The following CD8B2 variants were observed in gnomAD, a reference collection of about 807,000 sequenced individuals.
CD8B2 encodes the protein CD8B family member 2.
A neutral mutation model predicts 23.7 loss-of-function variants in CD8B2; 11 were observed. That is an observed-to-expected ratio of 0.46 (90% CI 0.29 to 0.77). The LOEUF (loss-of-function observed/expected upper bound fraction) is 0.77, where lower values mean the gene tolerates loss of function less well. Among genes scored for constraint, CD8B2 ranks in the 30% least tolerant of loss-of-function variants. The pLI is 0.09. For synonymous variants in CD8B2, 90 were observed against 109.3 expected (o/e 0.82, Z 1.10); for missense variants, 197 against 270.5 (o/e 0.73, Z 1.91).
chr2:106,503,829 T>G (rs981237763), intron 4 of CD8B2, among the ~76,000 whole-genome samples: 5 of 152,192 alleles, frequency 3.3e-5, no homozygotes, highest in African/African-American at 1.2e-4. Context: ...ATAGACATGC[T>G]TTTATTTTCT....
chr2:106,535,860 G>C (rs1266078218), intron 5 of CD8B2, among the ~76,000 whole-genome samples: 2 of 152,058 alleles, frequency 1.3e-5, no homozygotes, highest in Admixed American at 6.6e-5. Context: ...GAAAAAAGAG[G>C]GTTAATGGGC....
Position 106,510,832 on chromosome 2 carries a change from G to A in CD8B2, c.*3892G>A, listed in dbSNP as rs1473391582. ...TCGAGAATATAATACATAAAATAGA[G>A]AATATAGAAAATTAAATCTTCTAAT... is the stretch of plus-strand genomic sequence containing the variant. On this transcript the variant is annotated 3_prime_UTR_variant, in exon 6 of 6. Transcript: ENST00000643224. The A allele has an allele frequency of 1.3e-5, 2 of 151,778 alleles. No homozygotes were observed. The highest frequency in any genetic ancestry group is 2.4e-5 in the African/African-American group (1 of 41,268). The allele number at this position is 151,778 out of a possible 1,614,324, so 9.4% of individuals were successfully genotyped here.
intron 5 of CD8B2, among the ~76,000 whole-genome samples, chr2:106,539,560 G>A (rs1419809949): frequency 3.3e-5 from 5 of 152,196 alleles, no homozygotes; most frequent in Non-Finnish European, 7.3e-5. Flanking sequence ...ACACGGGGCT[G>A]CAGCTTCTGG....
chr2:106,497,900 T>C (rs1004217455), intron 3 of CD8B2, among the ~76,000 whole-genome samples: 1 of 152,138 alleles, frequency 6.6e-6, no homozygotes, highest in African/African-American at 2.4e-5. Context: ...GCTATGGCTG[T>C]GGAGAACCCA....
chr2:106,538,313 CTATGTAGGCTATGTA>C (rs1294169194), intron 5 of CD8B2, among the ~76,000 whole-genome samples: 1 of 152,122 alleles, frequency 6.6e-6, no homozygotes, highest in African/African-American at 2.4e-5. Flanking sequence ...AGCCTTCAGC[CTATGTAGGCTATGTA>C]TACATGAAGA....
At chr2:106,516,062 T>C (rs1379437720), downstream of CD8B2, among the ~76,000 whole-genome samples, 1 of 152,006 alleles carries the variant, frequency 6.6e-6, no homozygotes, top group Non-Finnish European at 1.5e-5. Flanking sequence ...ACTCCTGACC[T>C]CAGGTAATCC....
Position 106,487,612 on chromosome 2 carries a change from A to G in CD8B2, c.43+143A>G, listed in dbSNP as rs1573325054. 2.8e-5 allele frequency: 12 copies of G among 421,068 alleles called. No homozygotes were observed. The East Asian group carries it at 4.3e-4, about 15-fold the overall frequency. The allele number at this position is 421,068 out of a possible 1,614,324, so 26.1% of individuals were successfully genotyped here. A position where few individuals can be genotyped will look rare whatever the true frequency, so the allele number is the denominator to read the frequency against. ...CGGGGCGCCCGGGAGGCAGCTTGGCAGGCAGGGTCCCTAAGGGTGGAAATA... is the reference window on the plus strand; with the variant it reads ...CGGGGCGCCCGGGAGGCAGCTTGGCGGGCAGGGTCCCTAAGGGTGGAAATA... On this transcript the variant is annotated intron_variant, in intron 1 of 5. Transcript: ENST00000643224.
At chr2:106,524,038 A>G (rs1212996709) in intron 5 of CD8B2, among the ~76,000 whole-genome samples, 3 of 152,204 alleles carry the variant, frequency 2.0e-5, no homozygotes, top group South Asian at 2.1e-4. Flanking sequence ...GGCAGGTTTC[A>G]TAGGGACAAA....
intron 5 of CD8B2, among the ~76,000 whole-genome samples, chr2:106,542,661 T>C (rs1680193462): frequency 6.7e-6 from 1 of 148,290 alleles, no homozygotes; most frequent in Non-Finnish European, 1.5e-5. Context: ...TATAGGTATA[T>C]ATTATATATG....
rs971831346 is a variant in CD8B2, at chr2:106,510,204, C to G, written c.*3264C>G. ...AGTTAGGATACAGTTACCCTTGGTC[C>G]AGTGATGGTCATTAGGAGGGAGCAT... On this transcript the variant is annotated 3_prime_UTR_variant, in exon 6 of 6. Coordinates refer to ENST00000643224, the MANE Select transcript of CD8B2 (RefSeq NM_001349727.2). The G allele has an allele frequency of 1.3e-5, 2 of 152,140 alleles. No individual in the cohort carries two copies. The highest frequency in any genetic ancestry group is 4.8e-5 in the African/African-American group (2 of 41,418). 9.4% of individuals were successfully genotyped at this position (152,140 alleles called of 1,614,324 possible).
Position 106,491,104 on chromosome 2 carries a change from G to A in CD8B2, c.274G>A (p.Val92Met), listed in dbSNP as rs566357279. 18 of 1,613,944 alleles carry A rather than the reference G, an allele frequency of 1.1e-5. No individual in the cohort carries two copies. In the South Asian group the frequency reaches 1.8e-4, roughly 16 times the overall value. Residue 92 changes from valine to methionine, a missense_variant, in exon 2 of 6, where the codon GTG becomes ATG. Transcript: ENST00000643224. ...GEEVEQEKIA[V>M]FRDASRFILN... ...AGAGGTGGAACAGGAGAAGATAGCTGTGTTTCGGGATGCAAGCCGGTTCAT... is the reference window on the plus strand; with the variant it reads ...AGAGGTGGAACAGGAGAAGATAGCTATGTTTCGGGATGCAAGCCGGTTCAT...
downstream of CD8B2, among the ~76,000 whole-genome samples, chr2:106,511,396 T>G (rs565498759): frequency 2.6e-5 from 4 of 152,252 alleles, no homozygotes; most frequent in East Asian, 7.7e-4. Context: ...CTTTTCTGTG[T>G]TTTTCTGTGG....
intron 1 of CD8B2, among the ~76,000 whole-genome samples, chr2:106,488,950 C>G (rs978603457): frequency 1.3e-5 from 2 of 152,078 alleles, no homozygotes; most frequent in Non-Finnish European, 2.9e-5. Context: ...CCAGCAGCCA[C>G]TTGTGCCCCA....
chr2:106,505,102 G>A (rs1339366781), intron 5 of CD8B2, among the ~76,000 whole-genome samples: 2 of 152,170 alleles, frequency 1.3e-5, no homozygotes, highest in East Asian at 1.9e-4. Context: ...CCCTGGTAGG[G>A]CAGTGACATT....
chr2:106,490,459 C>T (rs1480383311), intron 1 of CD8B2, among the ~76,000 whole-genome samples: 1 of 152,122 alleles, frequency 6.6e-6, no homozygotes, highest in East Asian at 1.9e-4. Flanking sequence ...CCCAGGAGGT[C>T]AAGGCTGAAG....
In CD8B2 at chr2:106,507,411, G is replaced by T. The variant is rs564209129; in HGVS notation, c.*471G>T. On this transcript the variant is annotated 3_prime_UTR_variant, in exon 6 of 6. Transcript: ENST00000643224. Reference sequence around the variant, plus strand: ...TTCCTCGCAGAGAGGCCAGGTGCAGGTTGGGAATGAGGCTTGCTGAGAGGG... The same window carrying T: ...TTCCTCGCAGAGAGGCCAGGTGCAGTTTGGGAATGAGGCTTGCTGAGAGGG... 5.1e-6 allele frequency: 5 copies of T among 986,352 alleles called. No individual in the cohort carries two copies. Among genetic ancestry groups the T allele is most frequent in the African/African-American group, 3.5e-5 (2 of 57,414 alleles). The allele number at this position is 986,352 out of a possible 1,614,324, so 61.1% of individuals were successfully genotyped here.
intron 5 of CD8B2, among the ~76,000 whole-genome samples, chr2:106,525,334 C>G (rs572946506): frequency 9.8e-5 from 15 of 152,314 alleles, no homozygotes; most frequent in African/African-American, 3.1e-4. Context: ...CTCACCTTCC[C>G]TATGGGCCCA....
At chr2:106,499,650 C>T (rs1434096135) in intron 3 of CD8B2, among the ~76,000 whole-genome samples, 1 of 151,998 alleles carries the variant, frequency 6.6e-6, no homozygotes. Flanking sequence ...GCGACCGTTA[C>T]CGTAATCTAG....
rs1314182289 is a variant in CD8B2, at chr2:106,508,374, G to A, written c.*1434G>A. ...GGAAAGGAAAGACGACTCTGGGGAA[G>A]GGGCAGTGGGACCTTCTCCTGGCAT... On this transcript the variant is annotated 3_prime_UTR_variant, in exon 6 of 6. Coordinates refer to ENST00000643224, the MANE Select transcript of CD8B2 (RefSeq NM_001349727.2). 11 of 151,948 alleles carry A rather than the reference G, an allele frequency of 7.2e-5. No homozygotes were observed. The highest frequency in any genetic ancestry group is 1.3e-4 in the Admixed American group (2 of 15,264). The allele number at this position is 151,948 out of a possible 1,614,324, so 9.4% of individuals were successfully genotyped here. A position where few individuals can be genotyped will look rare whatever the true frequency, so the allele number is the denominator to read the frequency against.
Sources: allele counts gnomAD v4.1 joint callset (sites outside exome capture counted in the v4.1 genomes callset), GRCh38; gene constraint gnomAD v4.1.1; transcripts MANE v1.5; gene names NCBI Gene and HGNC (gene_info 2026-07-23, HGNC 2026-07-21).